The following PRH1 variants were observed in gnomAD, a reference collection of about 807,000 sequenced individuals.
The protein encoded by PRH1 is salivary acidic proline-rich phosphoprotein 1/2.
A neutral mutation model predicts 7.9 loss-of-function variants in PRH1; 7 were observed. The observed-to-expected ratio is 0.89, with a 90% CI of 0.50 to 1.67. The LOEUF (loss-of-function observed/expected upper bound fraction) is 1.67, where lower values mean the gene tolerates loss of function less well. Ranked by LOEUF, PRH1 falls within the 40% of genes most tolerant of loss-of-function variation. The pLI is 0.00. For synonymous variants in PRH1, 45 were observed against 80.8 expected, an observed-to-expected ratio of 0.56 and a Z score of 2.38; for missense variants, 109 against 223.6, an observed-to-expected ratio of 0.49 and a Z score of 3.27.
At chr12:10,985,917 T>A (rs766852030) in intron 1 of PRH1, 2 of 1,534,846 alleles carry the variant, frequency 1.3e-6, no homozygotes, top group Non-Finnish European at 1.8e-6. Flanking sequence ...ACACACAATG[T>A]CCCACTTGTG....
chr12:11,105,936 C>CTTTTTTTTT (rs765916131), intron 1 of PRH1, among the ~76,000 whole-genome samples: 1 of 94,954 alleles, frequency 1.1e-5, no homozygotes, highest in African/African-American at 3.7e-5. Context: ...ATAACTTATT[C>CTTTTTTTTT]TTTTTTTTTT....
At chr12:10,938,477 GA>G in intron 2 of PRH1, 2 of 1,614,020 alleles carry the variant, frequency 1.2e-6, no homozygotes, top group South Asian at 1.1e-5. Context: ...AAAAGACAGA[GA>G]GAAAATGGCA....
At chr12:10,903,366 C>G (rs1475089240) in intron 2 of PRH1, among the ~76,000 whole-genome samples, 1 of 152,070 alleles carries the variant, frequency 6.6e-6, no homozygotes, top group Non-Finnish European at 1.5e-5. Context: ...GAAACAAGTA[C>G]CTCCAAACCT....
chr12:11,000,956 C>T (rs12579882), intron 1 of PRH1, among the ~76,000 whole-genome samples: 1 of 152,014 alleles, frequency 6.6e-6, no homozygotes, highest in East Asian at 1.9e-4. Context: ...AGCACTCTTA[C>T]CACCAAGTTT....
At chr12:11,098,244 T>C (rs1307591568) in intron 1 of PRH1, among the ~76,000 whole-genome samples, 2 of 150,318 alleles carry the variant, frequency 1.3e-5, no homozygotes, top group Non-Finnish European at 3.0e-5. Context: ...CCTTAAATTC[T>C]ATATGCACCT....
chr12:11,099,641 G>A (rs1201359324), intron 1 of PRH1, among the ~76,000 whole-genome samples: 1 of 152,162 alleles, frequency 6.6e-6, no homozygotes, highest in Non-Finnish European at 1.5e-5. Flanking sequence ...AGGTTGCAGT[G>A]AGCCAAGATA....
At chr12:11,105,787 C>T (rs1457781929) in intron 1 of PRH1, among the ~76,000 whole-genome samples, 3 of 152,122 alleles carry the variant, frequency 2.0e-5, no homozygotes, top group Non-Finnish European at 2.9e-5. Context: ...AGGATCATCA[C>T]CAAAGTAAAT....
At chr12:11,031,997 A>G (rs1444834806) in intron 1 of PRH1, among the ~76,000 whole-genome samples, 1 of 152,250 alleles carries the variant, frequency 6.6e-6, no homozygotes, top group African/African-American at 2.4e-5. Context: ...AGAAATAACC[A>G]TGGCATGTTA....
At chr12:11,151,797 T>G (rs1565708261) in intron 1 of PRH1, among the ~76,000 whole-genome samples, 4 of 152,196 alleles carry the variant, frequency 2.6e-5, no homozygotes, top group African/African-American at 4.8e-5. Context: ...GGTACTAAAT[T>G]TATTTAAAGA....
intron 2 of PRH1, among the ~76,000 whole-genome samples, chr12:10,935,051 GCT>G (rs1950267215): frequency 6.6e-6 from 1 of 152,118 alleles, no homozygotes; most frequent in Non-Finnish European, 1.5e-5. Flanking sequence ...TTTATCCAAA[GCT>G]CTTATAATTC....
downstream of PRH1, among the ~76,000 whole-genome samples, chr12:11,116,023 T>C (rs1218780992): frequency 6.6e-6 from 1 of 151,794 alleles, no homozygotes; most frequent in African/African-American, 2.4e-5. Flanking sequence ...CCAAAATTAG[T>C]AGAAGAACAC....
chr12:11,145,145 T>C (rs1292792017), intron 1 of PRH1, among the ~76,000 whole-genome samples: 1 of 152,190 alleles, frequency 6.6e-6, no homozygotes, highest in Non-Finnish European at 1.5e-5. Flanking sequence ...GTGTTTATTG[T>C]TCCATCCGAA....
At chr12:11,112,660 A>C (rs1945622332) in intron 1 of PRH1, among the ~76,000 whole-genome samples, 1 of 152,232 alleles carries the variant, frequency 6.6e-6, no homozygotes. Flanking sequence ...ATCTCAAAAT[A>C]TTAAGTGCTA....
At chr12:10,896,468 A>G (rs1440386692) in intron 2 of PRH1, among the ~76,000 whole-genome samples, 2 of 152,154 alleles carry the variant, frequency 1.3e-5, no homozygotes, top group Admixed American at 1.3e-4. Flanking sequence ...TTTAGAGAGT[A>G]TGGAAGTTTT....
intron 1 of PRH1, among the ~76,000 whole-genome samples, chr12:11,001,192 G>A (rs1940577381): frequency 1.3e-5 from 2 of 151,834 alleles, no homozygotes; most frequent in South Asian, 2.1e-4. Flanking sequence ...GTCTGTTGAT[G>A]AGTCTTCACC....
At chr12:10,970,704 A>G (rs777543288) in intron 2 of PRH1, among the ~76,000 whole-genome samples, 4 of 152,064 alleles carry the variant, frequency 2.6e-5, no homozygotes, top group Non-Finnish European at 5.9e-5. Flanking sequence ...AGTTGGGATT[A>G]CAGGAGCCCG....
rs141596001 is a variant in PRH1, at chr12:11,143,206, G to A, written n.40-22026C>T. On this transcript the variant is annotated intron_variant and non_coding_transcript_variant, in intron 1 of 1. Transcript: ENST00000541175. ...ACAAAAAGTTAAAAACTGAGAAGAT[G>A]GTGTTAAGGTGTAGAGTCTTCATTT... Among the ~76,000 whole-genome samples, 820 of 152,242 alleles carry A rather than the reference G, an allele frequency of 5.4e-3. 6 individuals carry two copies. The highest frequency in any genetic ancestry group is 0.019 in the African/African-American group (787 of 41,550).
intron 1 of PRH1, among the ~76,000 whole-genome samples, chr12:10,982,556 C>A (rs1244901240): frequency 6.6e-6 from 1 of 152,170 alleles, no homozygotes; most frequent in Non-Finnish European, 1.5e-5. Flanking sequence ...GTGGTAAAAA[C>A]AAGAACACTG....
chr12:11,098,820 T>C (rs952445031), intron 1 of PRH1, among the ~76,000 whole-genome samples: 60 of 152,198 alleles, frequency 3.9e-4, no homozygotes, highest in Non-Finnish European at 7.8e-4. Context: ...CTCATAAATA[T>C]GAACACAAAT....
Sources: gnomAD v4.1 joint callset for allele counts (sites outside exome capture counted in the v4.1 genomes callset) on GRCh38, gnomAD v4.1.1 for gene constraint, MANE v1.5 for transcripts, NCBI Gene and HGNC (gene_info 2026-07-23, HGNC 2026-07-21) for gene names.